The following SYK variants were observed in gnomAD, a reference collection of about 807,000 sequenced individuals.
The protein encoded by SYK is spleen associated tyrosine kinase.
SYK carries 16 observed loss-of-function variants against 77.8 expected under a neutral mutation model. That is an observed-to-expected ratio of 0.21 (90% CI 0.14 to 0.31). The LOEUF is 0.31. Among genes scored for constraint, SYK ranks in the 10% least tolerant of loss-of-function variants. SYK has a pLI of 1.00. For missense variants in SYK, 529 were observed against 814.4 expected, an observed-to-expected ratio of 0.65 and a Z score of 4.26; for synonymous variants, 312 against 308.7, an observed-to-expected ratio of 1.01 and a Z score of -0.11.
At position 90,865,101 on chromosome 9, in the gene SYK, A is replaced by C. The variant is rs962200302; in HGVS notation, c.846+4A>C. On this transcript the variant is annotated splice_donor_region_variant and intron_variant, in intron 6 of 13. Transcript: ENST00000375754. Reference sequence around the variant, plus strand: ...ACTTCCAGGTTCCCATCCTGCGGTAAGTGTCACTAGGAATACCACTGAATG... The same window carrying C: ...ACTTCCAGGTTCCCATCCTGCGGTACGTGTCACTAGGAATACCACTGAATG... The C allele has an allele frequency of 6.2e-7, 1 of 1,613,746 alleles. No individual in the cohort carries two copies. The highest frequency in any genetic ancestry group is 1.6e-4 in the Middle Eastern group (1 of 6,062).
chr9:90,810,976 A>C (rs1564066869), intron 1 of SYK, among the ~76,000 whole-genome samples: 1 of 152,176 alleles, frequency 6.6e-6, no homozygotes, highest in African/African-American at 2.4e-5. Context: ...GGAAAAAAAA[A>C]CAAAACTTTG....
chr9:90,887,985 C>A, intron 12 of SYK, 96 bp downstream of exon 12: 1 of 1,427,620 alleles, frequency 7.0e-7, no homozygotes. Context: ...TAATCTGAGT[C>A]TCTCATTATC....
chr9:90,876,226 G>A (rs145198161), intron 9 of SYK, among the ~76,000 whole-genome samples: 8 of 150,726 alleles, frequency 5.3e-5, no homozygotes, highest in African/African-American at 2.0e-4. Flanking sequence ...GGAAGAGGTT[G>A]CAGCCAGCCA....
chr9:90,833,943 G>C (rs1587835245), intron 1 of SYK, among the ~76,000 whole-genome samples: 1 of 152,204 alleles, frequency 6.6e-6, no homozygotes, highest in Admixed American at 6.5e-5. Context: ...ATTTCTGCAG[G>C]CTCCAGGAGG....
chr9:90,877,175 G>A (rs891730645), intron 9 of SYK, among the ~76,000 whole-genome samples: 3 of 152,058 alleles, frequency 2.0e-5, no homozygotes, highest in Non-Finnish European at 2.9e-5. Context: ...TCAGCCTCCC[G>A]AGCAGCTGGG....
intron 1 of SYK, among the ~76,000 whole-genome samples, chr9:90,822,572 G>T (rs1825554606): frequency 6.6e-6 from 1 of 152,214 alleles, no homozygotes; most frequent in Admixed American, 6.5e-5. Context: ...GAGACCGATT[G>T]TATGGCAGAT....
chr9:90,808,363 C>T (rs749351601), intron 1 of SYK, among the ~76,000 whole-genome samples: 4 of 151,744 alleles, frequency 2.6e-5, no homozygotes, highest in Admixed American at 2.0e-4. Flanking sequence ...CCATTACCCC[C>T]GTCTCCCGGG....
In SYK at chr9:90,878,691, G is replaced by A. The variant is rs547347828; in HGVS notation, c.1392-73G>A. ...AGGAGTAGATTCACCCACTGCCTGC[G>A]TGAGGAGCATGGTTGTTTGTTGTGA... is the stretch of plus-strand genomic sequence containing the variant. On this transcript the variant is annotated intron_variant, in intron 10 of 13. Transcript: ENST00000375754. 162 of 1,317,318 alleles carry A rather than the reference G, an allele frequency of 1.2e-4. No individual in the cohort carries two copies. In the African/African-American group the frequency reaches 1.8e-3, roughly 14 times the overall value. The allele number at this position is 1,317,318 out of a possible 1,614,324, so 81.6% of individuals were successfully genotyped here.
intron 1 of SYK, among the ~76,000 whole-genome samples, chr9:90,824,270 G>A (rs1353126086): frequency 6.6e-6 from 1 of 152,014 alleles, no homozygotes; most frequent in Non-Finnish European, 1.5e-5. Flanking sequence ...AAATCATCAG[G>A]CCCAGATGGG....
Position 90,865,231 on chromosome 9 carries a change from G to C in SYK, c.846+134G>C, listed in dbSNP as rs143950479. The C allele has an allele frequency of 1.3e-4, 115 of 874,380 alleles. 1 individual carries two copies. The Middle Eastern group carries it at 1.6e-3, about 12-fold the overall frequency. 54.2% of individuals were successfully genotyped at this position (874,380 alleles called of 1,614,324 possible). ...TCAAAACATACTCCGTGATGAGCTG[G>C]GATTGCTAGTGAGTGTTAGGCAGAA... On this transcript the variant is annotated intron_variant, in intron 6 of 13. Coordinates refer to ENST00000375754, the MANE Select transcript of SYK (RefSeq NM_003177.7).
chr9:90,854,049 T>A (rs1826925354), intron 3 of SYK, among the ~76,000 whole-genome samples: 1 of 152,004 alleles, frequency 6.6e-6, no homozygotes. Flanking sequence ...AGAACCCCAG[T>A]CCGAGCCCCA....
At chr9:90,807,998 G>A (rs926504184) in intron 1 of SYK, among the ~76,000 whole-genome samples, 3 of 152,120 alleles carry the variant, frequency 2.0e-5, no homozygotes, top group South Asian at 2.1e-4. Context: ...GTTGGGGTGC[G>A]GGGAGGTCTC....
intron 1 of SYK, among the ~76,000 whole-genome samples, chr9:90,808,593 G>T (rs1824942085): frequency 6.6e-6 from 1 of 152,076 alleles, no homozygotes; most frequent in Non-Finnish European, 1.5e-5. Flanking sequence ...ACTGGTCTGT[G>T]TGGTGTGTGG....
chr9:90,843,990 A>T lies in SYK; in HGVS notation c.92A>T (p.Gln31Leu). ...GAGGAGGCAGAAGATTACCTGGTCC[A>T]GGGGGGCATGAGTGATGGGCTTTAT... ...TREEAEDYLV[Q>L]GGMSDGLYLL... The change falls in exon 2 of 14, where the codon CAG becomes CTG. Residue 31 changes from glutamine to leucine, a missense_variant. Coordinates refer to ENST00000375754, the MANE Select transcript of SYK (RefSeq NM_003177.7). 6.2e-7 allele frequency: 1 copy of T among 1,609,598 alleles called. No individual in the cohort carries two copies. The highest frequency in any genetic ancestry group is 8.5e-7 in the Non-Finnish European group (1 of 1,177,662).
At chr9:90,883,435 A>G (rs1828234318) in intron 11 of SYK, among the ~76,000 whole-genome samples, 1 of 151,882 alleles carries the variant, frequency 6.6e-6, no homozygotes, top group African/African-American at 2.4e-5. Context: ...TGCCACAAAA[A>G]CAAATACCAC....
In SYK at chr9:90,880,031, G is replaced by A. The variant is rs113118173; in HGVS notation, c.1581+1078G>A. Among the ~76,000 whole-genome samples, 58 of 152,346 alleles carry A rather than the reference G, an allele frequency of 3.8e-4. 3 individuals carry two copies. The highest frequency in any genetic ancestry group is 6.8e-3 in the Middle Eastern group (2 of 294). On this transcript the variant is annotated intron_variant, in intron 11 of 13. Coordinates refer to ENST00000375754, the MANE Select transcript of SYK (RefSeq NM_003177.7). ...ATCCCACTGAGTCAAAGAGGGTGCC[G>A]AAGGCAGGTTAACAACCCTGCTAGT...
intron 3 of SYK, among the ~76,000 whole-genome samples, chr9:90,856,677 G>A (rs565878685): frequency 1.4e-4 from 21 of 151,902 alleles, no homozygotes; most frequent in South Asian, 4.2e-4. Flanking sequence ...CCATGGTTCC[G>A]TTTTTTATTT....
chr9:90,816,083 T>C (rs1825283046), intron 1 of SYK, among the ~76,000 whole-genome samples: 1 of 152,178 alleles, frequency 6.6e-6, no homozygotes. Flanking sequence ...TTGTTTTGTT[T>C]TGTTTTGCTT....
At chr9:90,826,589 C>A (rs931659332) in intron 1 of SYK, among the ~76,000 whole-genome samples, 1 of 152,240 alleles carries the variant, frequency 6.6e-6, no homozygotes, top group Non-Finnish European at 1.5e-5. Flanking sequence ...CCAGTAAACT[C>A]ATCAACATGA....
Sources: gnomAD v4.1 joint callset for allele counts (sites outside exome capture counted in the v4.1 genomes callset) on GRCh38, gnomAD v4.1.1 for gene constraint, MANE v1.5 for transcripts, NCBI Gene and HGNC (gene_info 2026-07-23, HGNC 2026-07-21) for gene names.